The following TENM3 variants were observed in gnomAD, a reference collection of about 807,000 sequenced individuals.
TENM3 encodes teneurin transmembrane protein 3.
A neutral mutation model predicts 255.1 loss-of-function variants in TENM3; 63 were observed. The observed-to-expected ratio is 0.25, with a 90% CI of 0.20 to 0.30. The LOEUF (loss-of-function observed/expected upper bound fraction) is 0.30. Ranked by LOEUF, TENM3 falls within the 10% of genes least tolerant of loss-of-function variation. The pLI, the probability that TENM3 is intolerant of heterozygous loss-of-function variation, is 1.00. For missense variants in TENM3, 2,929 were observed against 3,461.1 expected (o/e 0.85, Z 3.86); for synonymous variants, 1,306 against 1,322.3 (o/e 0.99, Z 0.27).
chr4:182,080,841 A>T, the TENM3 span, among the ~76,000 whole-genome samples: 2 of 152,290 alleles, frequency 1.3e-5, no homozygotes, highest in African/African-American at 4.8e-5. Context: ...AAAATTAAAA[A>T]TTGGCTGGGC....
chr4:182,491,809 G>T (rs1455921332), intron 3 of TENM3, among the ~76,000 whole-genome samples: 1 of 152,178 alleles, frequency 6.6e-6, no homozygotes, highest in Non-Finnish European at 1.5e-5. Context: ...CTGTCAGCAG[G>T]TGCTGCCATG....
chr4:182,126,280 C>T, the TENM3 span, among the ~76,000 whole-genome samples: 2 of 152,042 alleles, frequency 1.3e-5, no homozygotes, highest in African/African-American at 4.8e-5. Context: ...TCGTAGATCC[C>T]AGAGATGTAC....
the TENM3 span, among the ~76,000 whole-genome samples, chr4:182,130,024 A>T: frequency 6.6e-6 from 1 of 152,174 alleles, no homozygotes; most frequent in East Asian, 1.9e-4. Flanking sequence ...AAGGAAGTTA[A>T]AACGTCAGAA....
At chr4:182,206,563 G>T (rs956808254) in intron 1 of TENM3, among the ~76,000 whole-genome samples, 1 of 152,172 alleles carries the variant, frequency 6.6e-6, no homozygotes, top group Non-Finnish European at 1.5e-5. Flanking sequence ...TCTTTATGGA[G>T]ATGTCAATTC....
At chr4:181,484,625 A>C in the TENM3 span, among the ~76,000 whole-genome samples, 22 of 152,316 alleles carry the variant, frequency 1.4e-4, no homozygotes, top group African/African-American at 5.0e-4. Flanking sequence ...CCTTACAGTA[A>C]GTGTTTAATT....
the TENM3 span, among the ~76,000 whole-genome samples, chr4:182,100,061 T>G: frequency 6.6e-6 from 1 of 152,090 alleles, no homozygotes; most frequent in Non-Finnish European, 1.5e-5. Flanking sequence ...TACGTACATT[T>G]CTGTTTATGG....
intron 1 of TENM3, among the ~76,000 whole-genome samples, chr4:182,157,192 G>C (rs967840017): frequency 6.6e-6 from 1 of 152,132 alleles, no homozygotes; most frequent in African/African-American, 2.4e-5. Context: ...GGGCCCTGGG[G>C]CTCACAAATG....
intron 3 of TENM3, among the ~76,000 whole-genome samples, chr4:182,480,870 A>G (rs372506618): frequency 1.3e-5 from 2 of 152,134 alleles, no homozygotes; most frequent in African/African-American, 2.4e-5. Flanking sequence ...ATTTTTAGGC[A>G]ATTGTTTCAG....
chr4:182,187,650 A>C (rs1753252032), intron 1 of TENM3, among the ~76,000 whole-genome samples: 1 of 152,156 alleles, frequency 6.6e-6, no homozygotes, highest in South Asian at 2.1e-4. Context: ...CTTTGGTTGA[A>C]CAGAAATTAA....
the TENM3 span, among the ~76,000 whole-genome samples, chr4:182,035,116 CTAAACAGTCATTTTG>C: frequency 1.3e-5 from 2 of 152,090 alleles, no homozygotes; most frequent in African/African-American, 4.8e-5. Context: ...GTGAGATATT[CTAAACAGTCATTTTG>C]TAAGGTCTCA....
intron 16 of TENM3, among the ~76,000 whole-genome samples, chr4:182,734,783 A>T (rs1340205794): frequency 4.6e-5 from 7 of 152,350 alleles, no homozygotes; most frequent in Non-Finnish European, 8.8e-5. Flanking sequence ...TCAGAGAAAC[A>T]CATGCTTTAA....
chr4:182,334,688 G>T (rs539387356), intron 2 of TENM3, among the ~76,000 whole-genome samples: 2 of 152,040 alleles, frequency 1.3e-5, no homozygotes, highest in Non-Finnish European at 2.9e-5. Flanking sequence ...CAAAAAAAAG[G>T]TTTTTCTATT....
At chr4:182,424,876 G>C (rs760216201) in intron 3 of TENM3, among the ~76,000 whole-genome samples, 13 of 152,048 alleles carry the variant, frequency 8.5e-5, no homozygotes, top group Non-Finnish European at 1.5e-4. Context: ...CTGGCATTAT[G>C]AAATCTTAAA....
At chr4:182,349,684 C>T (rs1580248378) in intron 3 of TENM3, among the ~76,000 whole-genome samples, 1 of 152,120 alleles carries the variant, frequency 6.6e-6, no homozygotes, top group East Asian at 1.9e-4. Flanking sequence ...TACTTTTAGT[C>T]AAGTAATTCT....
At chr4:181,535,555 C>A in the TENM3 span, among the ~76,000 whole-genome samples, 4 of 152,154 alleles carry the variant, frequency 2.6e-5, no homozygotes, top group Non-Finnish European at 5.9e-5. Flanking sequence ...GCTCAAAACC[C>A]TTAAATGGCT....
chr4:182,746,105 A>C (rs191337678), intron 19 of TENM3, among the ~76,000 whole-genome samples: 13 of 152,320 alleles, frequency 8.5e-5, no homozygotes, highest in Admixed American at 2.0e-4. Flanking sequence ...AAAAATAATA[A>C]TATAAGACAA....
the TENM3 span, among the ~76,000 whole-genome samples, chr4:181,770,219 G>T: frequency 6.6e-6 from 1 of 151,882 alleles, no homozygotes; most frequent in African/African-American, 2.4e-5. Context: ...AGGTTGAGGG[G>T]TTATATATAT....
At chr4:182,672,900 C>A in intron 6 of TENM3, 105 bp from the exon 7 acceptor site, 1 of 810,418 alleles carries the variant, frequency 1.2e-6, no homozygotes, top group Non-Finnish European at 1.9e-6. Flanking sequence ...GATGAAATGG[C>A]TTGAGCATTT....
At chr4:182,189,018 G>GT (rs1157165106) in intron 1 of TENM3, among the ~76,000 whole-genome samples, 3 of 151,972 alleles carry the variant, frequency 2.0e-5, no homozygotes, top group Admixed American at 1.3e-4. Context: ...TTTAAAAGCT[G>GT]TAAGACTTTG....
Sources: gnomAD v4.1 joint callset for allele counts (sites outside exome capture counted in the v4.1 genomes callset) on GRCh38, gnomAD v4.1.1 for gene constraint, MANE v1.5 for transcripts, NCBI Gene and HGNC (gene_info 2026-07-23, HGNC 2026-07-21) for gene names.